Variants in AGBL4 observed in about 807,000 individuals in gnomAD.
The protein encoded by AGBL4 is AGBL carboxypeptidase 4.
AGBL4 carries 58 observed loss-of-function variants against 66.4 expected under a neutral mutation model. The ratio of observed to expected loss-of-function variants is 0.87; its 90% CI spans 0.71 to 1.09. The LOEUF is 1.09. Among genes scored for constraint, AGBL4 ranks in the 50% least tolerant of loss-of-function variants. AGBL4 has a pLI of 0.00. For missense variants in AGBL4, 579 were observed against 631.0 expected, an observed-to-expected ratio of 0.92 and a Z score of 0.88; for synonymous variants, 234 against 222.9, an observed-to-expected ratio of 1.05 and a Z score of -0.44.
At chr1:48,919,374 A>C (rs1213106478) in intron 5 of AGBL4, among the ~76,000 whole-genome samples, 1 of 152,190 alleles carries the variant, frequency 6.6e-6, no homozygotes, top group Non-Finnish European at 1.5e-5. Flanking sequence ...GCTTTGACCA[A>C]ACTTGGTCTC....
At chr1:48,841,140 C>A (rs1570799136) in intron 6 of AGBL4, among the ~76,000 whole-genome samples, 1 of 152,078 alleles carries the variant, frequency 6.6e-6, no homozygotes, top group South Asian at 2.1e-4. Context: ...AGAGGTAGCA[C>A]AAGGGAGTCT....
chr1:49,916,013 A>G (rs527438732), intron 1 of AGBL4, among the ~76,000 whole-genome samples: 2 of 152,310 alleles, frequency 1.3e-5, no homozygotes, highest in African/African-American at 2.4e-5. Flanking sequence ...ACAGACCTTC[A>G]GCTGAGGGAC....
At chr1:48,733,427 CT>C (rs1648479312) in intron 6 of AGBL4, among the ~76,000 whole-genome samples, 1 of 152,148 alleles carries the variant, frequency 6.6e-6, no homozygotes, top group African/African-American at 2.4e-5. Context: ...GTGGAAATTC[CT>C]TTATTTTCCT....
At chr1:48,862,889 A>T (rs949737108) in intron 6 of AGBL4, among the ~76,000 whole-genome samples, 2 of 152,246 alleles carry the variant, frequency 1.3e-5, no homozygotes, top group Admixed American at 1.3e-4. Context: ...TTATCATTCC[A>T]GACAGAAGTC....
At chr1:49,938,244 A>G (rs1418577815) in intron 1 of AGBL4, among the ~76,000 whole-genome samples, 3 of 152,226 alleles carry the variant, frequency 2.0e-5, no homozygotes, top group African/African-American at 7.2e-5. Flanking sequence ...CAGAAAATCT[A>G]GAAGAAATGG....
intron 4 of AGBL4, among the ~76,000 whole-genome samples, chr1:49,243,192 G>A (rs1308844114): frequency 6.6e-6 from 1 of 151,608 alleles, no homozygotes; most frequent in African/African-American, 2.4e-5. Flanking sequence ...TAATACCCTA[G>A]ACAAGTAAAG....
chr1:49,067,195 T>A (rs1218266778), intron 4 of AGBL4, among the ~76,000 whole-genome samples: 1 of 152,074 alleles, frequency 6.6e-6, no homozygotes, highest in Non-Finnish European at 1.5e-5. Context: ...AATAGATGAT[T>A]AAGAGCTCAC....
chr1:48,906,936 G>A (rs1322031881), intron 5 of AGBL4, among the ~76,000 whole-genome samples: 1 of 152,164 alleles, frequency 6.6e-6, no homozygotes, highest in African/African-American at 2.4e-5. Flanking sequence ...CATCTGAGCT[G>A]AGTTTACATC....
chr1:49,624,700 A>G (rs1645432134), intron 3 of AGBL4, among the ~76,000 whole-genome samples: 1 of 152,156 alleles, frequency 6.6e-6, no homozygotes, highest in South Asian at 2.1e-4. Context: ...ACCCTTGAGG[A>G]TAGAGCCAAG....
intron 5 of AGBL4, among the ~76,000 whole-genome samples, chr1:49,001,013 A>T (rs562402710): frequency 1.3e-5 from 2 of 152,326 alleles, no homozygotes; most frequent in East Asian, 3.9e-4. Flanking sequence ...CTTTCAACCT[A>T]CCAACTATAT....
intron 1 of AGBL4, among the ~76,000 whole-genome samples, chr1:50,013,394 A>G (rs1661697148): frequency 2.0e-5 from 3 of 152,214 alleles, no homozygotes; most frequent in African/African-American, 7.2e-5. Flanking sequence ...AGAAAAGAAT[A>G]AAAAATTACC....
Position 48,556,585 on chromosome 1 carries a change from G to A in AGBL4, c.1268-16847C>T, listed in dbSNP as rs147038377. Among the ~76,000 whole-genome samples the A allele has an allele frequency of 4.7e-3, 717 of 152,198 alleles. 8 individuals are homozygous for A. Among genetic ancestry groups the A allele is most frequent in the African/African-American group, 0.016 (682 of 41,494 alleles). ...AAGGCTGTTCCAAACCCCCTGCCTC[G>A]TTGCCTCTAAATAACTCCTACTAAT... On this transcript the variant is annotated intron_variant, in intron 11 of 13. Coordinates refer to ENST00000371839, the MANE Select transcript of AGBL4 (RefSeq NM_032785.4).
chr1:49,956,131 T>C (rs1656586173), intron 1 of AGBL4, among the ~76,000 whole-genome samples: 2 of 151,900 alleles, frequency 1.3e-5, no homozygotes, highest in South Asian at 2.1e-4. Flanking sequence ...TGTCAGAACA[T>C]AAATATGTTT....
intron 6 of AGBL4, among the ~76,000 whole-genome samples, chr1:48,689,742 T>G (rs1261388515): frequency 1.3e-5 from 2 of 152,098 alleles, no homozygotes; most frequent in African/African-American, 4.8e-5. Flanking sequence ...TAGTCAGATT[T>G]TAAAAAATAA....
intron 11 of AGBL4, among the ~76,000 whole-genome samples, chr1:48,540,938 G>A (rs757839367): frequency 2.0e-5 from 3 of 152,128 alleles, no homozygotes; most frequent in Non-Finnish European, 2.9e-5. Context: ...CTCTGAATAT[G>A]TCACTCAGCT....
chr1:49,559,853 A>T (rs971273274), intron 3 of AGBL4, among the ~76,000 whole-genome samples: 1 of 152,116 alleles, frequency 6.6e-6, no homozygotes, highest in Non-Finnish European at 1.5e-5. Flanking sequence ...GCCTATTGGG[A>T]AATTGTACTT....
At chr1:49,585,994 T>C (rs1001109666) in intron 3 of AGBL4, among the ~76,000 whole-genome samples, 1 of 152,212 alleles carries the variant, frequency 6.6e-6, no homozygotes, top group African/African-American at 2.4e-5. Flanking sequence ...TACCCATATG[T>C]TAATTACAAG....
chr1:49,923,107 T>C (rs1293189013), intron 1 of AGBL4, among the ~76,000 whole-genome samples: 1 of 152,092 alleles, frequency 6.6e-6, no homozygotes, highest in Non-Finnish European at 1.5e-5. Flanking sequence ...CATGTATTGG[T>C]ACAAAAACAG....
chr1:48,574,654 C>T (rs1644621879), intron 11 of AGBL4, among the ~76,000 whole-genome samples: 1 of 151,746 alleles, frequency 6.6e-6, no homozygotes, highest in Non-Finnish European at 1.5e-5. Flanking sequence ...CCTCCTCCCT[C>T]TAAGTTCCAA....
Sources: gnomAD v4.1 joint callset for allele counts (sites outside exome capture counted in the v4.1 genomes callset) on GRCh38, gnomAD v4.1.1 for gene constraint, MANE v1.5 for transcripts, NCBI Gene and HGNC (gene_info 2026-07-23, HGNC 2026-07-21) for gene names.